Variants in CMC4 observed in about 807,000 individuals in gnomAD.
The protein encoded by CMC4 is C-X9-C motif containing 4.
Under a neutral mutation model 5.1 loss-of-function variants are expected in CMC4, and 4 were observed. The observed-to-expected ratio is 0.78, with a 90% CI of 0.38 to 1.78. CMC4 has a LOEUF of 1.78. Ranked by LOEUF, CMC4 falls within the 40% of genes most tolerant of loss-of-function variation. The pLI, the probability that CMC4 is intolerant of heterozygous loss-of-function variation, is 0.04. For synonymous variants in CMC4, 23 were observed against 18.9 expected (o/e 1.22, Z -0.57); for missense variants, 52 against 51.3 (o/e 1.01, Z -0.04).
chrX:155,062,472 T>C (rs191929764), intron 2 of CMC4, among the ~76,000 whole-genome samples: 1 of 112,213 alleles, frequency 8.9e-6, no homozygotes, highest in East Asian at 2.8e-4. Context: ...TTTTAAAGGG[T>C]TGTAAACACA....
chrX:155,062,936 C>G (rs958059407), intron 2 of CMC4, among the ~76,000 whole-genome samples: 5 of 111,708 alleles, frequency 4.5e-5, no homozygotes, highest in African/African-American at 1.6e-4. Flanking sequence ...CGGTGCTTGT[C>G]ATCTTTTAGT....
At chrX:155,069,055 A>AATT (rs1557292218) in intron 1 of CMC4, among the ~76,000 whole-genome samples, 4 of 112,730 alleles carry the variant, frequency 3.5e-5, no homozygotes, top group African/African-American at 1.3e-4. Flanking sequence ...CAAGACAGAC[A>AATT]ATTTCTTAGT....
chrX:155,069,815 C>A (rs1279409778), intron 1 of CMC4, among the ~76,000 whole-genome samples: 1 of 112,075 alleles, frequency 8.9e-6, no homozygotes, highest in African/African-American at 3.2e-5. Context: ...TTGACTACCG[C>A]CGATAACAAA....
chrX:155,063,716 G>T (rs1557291787), intron 2 of CMC4, among the ~76,000 whole-genome samples: 1 of 111,775 alleles, frequency 8.9e-6, no homozygotes, highest in African/African-American at 3.3e-5. Context: ...GCCCTAGGAA[G>T]TCTGAATTGT....
At chrX:155,067,738 G>C (rs1377950016) in intron 1 of CMC4, among the ~76,000 whole-genome samples, 1 of 112,473 alleles carries the variant, frequency 8.9e-6, no homozygotes, top group Non-Finnish European at 1.9e-5. Context: ...CTCAATAGCA[G>C]GAATGATACA....
At chrX:155,067,976 T>C (rs1557292144) in intron 1 of CMC4, among the ~76,000 whole-genome samples, 2 of 112,447 alleles carry the variant, frequency 1.8e-5, no homozygotes, top group African/African-American at 6.5e-5. Context: ...GTTTTGCCTC[T>C]CTTCCTTCCC....
Position 155,068,706 on chromosome X carries a change from G to C in CMC4, c.-11+1988C>G, listed in dbSNP as rs782272967. On this transcript the variant is annotated intron_variant, in intron 1 of 2. Coordinates refer to ENST00000369484, the MANE Select transcript of CMC4 (RefSeq NM_001018024.3). ...GAGAGTCATAAAGCACATTAGTGTA[G>C]TAACTGTTCTGGCAAGTTATGCAGT... Among the ~76,000 whole-genome samples, 6 of 112,599 alleles carry C rather than the reference G, an allele frequency of 5.3e-5. No homozygotes were observed. In the Admixed American group the frequency reaches 5.6e-4, roughly 11 times the overall value.
Position 155,070,950 on chromosome X carries a change from G to GT in CMC4, c.-268dup, listed in dbSNP as rs2073971776. 8.9e-6 allele frequency: 1 copy of GT among 112,951 alleles called. No individual in the cohort carries two copies. The highest frequency in any genetic ancestry group is 1.9e-5 in the Non-Finnish European group (1 of 53,257). The allele number at this position is 112,951 out of a possible 1,213,427, so 9.3% of individuals were successfully genotyped here. A position where few individuals can be genotyped will look rare whatever the true frequency, so the allele number is the denominator to read the frequency against. On this transcript the variant is annotated 5_prime_UTR_variant, in exon 1 of 3. Transcript: ENST00000369484. ...AACAAAATAAAATAAAACCTTAACTGTTTTGGGACTGACTTTCAAAAGAGC... is the reference window on the plus strand; with the variant it reads ...AACAAAATAAAATAAAACCTTAACTGTTTTTGGGACTGACTTTCAAAAGAGC...
chrX:155,069,983 CAA>C (rs781810296), intron 1 of CMC4, among the ~76,000 whole-genome samples: 7 of 112,172 alleles, frequency 6.2e-5, no homozygotes, highest in Non-Finnish European at 9.4e-5. Flanking sequence ...AAAATTGAAA[CAA>C]GAGAAAATTT....
intron 1 of CMC4, among the ~76,000 whole-genome samples, chrX:155,066,970 C>T (rs1407293658): frequency 8.9e-6 from 1 of 112,069 alleles, no homozygotes; most frequent in East Asian, 2.8e-4. Context: ...CAGGACCTCA[C>T]AATAACTTGA....
At chrX:155,063,943 T>A in intron 2 of CMC4, 23 bp downstream of exon 2, 2 of 1,155,466 alleles carry the variant, frequency 1.7e-6, no homozygotes, top group Non-Finnish European at 2.3e-6. Context: ...AAAATATTTT[T>A]AAAGCATTTT....
At chrX:155,066,625 C>T (rs5945137) in intron 1 of CMC4, among the ~76,000 whole-genome samples, 2 of 111,572 alleles carry the variant, frequency 1.8e-5, no homozygotes, top group Non-Finnish European at 3.8e-5. Context: ...TTACAAATAG[C>T]GGATGGGCAT....
intron 1 of CMC4, chrX:155,065,477 A>C (rs372534312): frequency 4.7e-5 from 56 of 1,202,034 alleles, no homozygotes; most frequent in Non-Finnish European, 6.1e-5. Context: ...GAGAAATAGA[A>C]ATACATACCA....
intron 1 of CMC4, among the ~76,000 whole-genome samples, chrX:155,069,971 A>C (rs1334620695): frequency 1.8e-5 from 2 of 112,709 alleles, no homozygotes; most frequent in Non-Finnish European, 3.7e-5. Context: ...AACATATGAT[A>C]TAAAATTGAA....
At chrX:155,070,429 T>C (rs781845235) in intron 1 of CMC4, among the ~76,000 whole-genome samples, 1 of 112,041 alleles carries the variant, frequency 8.9e-6, no homozygotes, top group African/African-American at 3.2e-5. Context: ...CTTGGCACGT[T>C]TGACATACCT....
chrX:155,071,056 G>C lies in CMC4; in HGVS notation c.-373C>G, dbSNP rs1024781267. On this transcript the variant is annotated 5_prime_UTR_variant, in exon 1 of 3. Coordinates refer to ENST00000369484, the MANE Select transcript of CMC4 (RefSeq NM_001018024.3). ...CCCCAAGCGTGTAGGCCGCGCACGGGTCTCCTTAGCGGGCGGGCAAAATGG... is the reference window on the plus strand; with the variant it reads ...CCCCAAGCGTGTAGGCCGCGCACGGCTCTCCTTAGCGGGCGGGCAAAATGG... 4 of 112,560 alleles carry C rather than the reference G, an allele frequency of 3.6e-5. No individual in the cohort carries two copies. The highest frequency in any genetic ancestry group is 5.7e-5 in the Non-Finnish European group (3 of 53,006). The allele number at this position is 112,560 out of a possible 1,213,427, so 9.3% of individuals were successfully genotyped here. A position where few individuals can be genotyped will look rare whatever the true frequency, so the allele number is the denominator to read the frequency against.
Position 155,070,374 on chromosome X carries a change from C to T in CMC4, c.-11+320G>A, listed in dbSNP as rs1454031990. Among the ~76,000 whole-genome samples the T allele has an allele frequency of 6.2e-5, 7 of 112,126 alleles. No homozygotes were observed. The Admixed American group carries it at 6.6e-4, about 11-fold the overall frequency. On this transcript the variant is annotated intron_variant, in intron 1 of 2. Transcript: ENST00000369484. ...GATTTAGAATCGCTTTCAAAATCCA[C>T]GTGTGATTCCTAGACTTGTGAGTTG...
Position 155,062,009 on chromosome X carries a change from A to G in CMC4, c.59-18T>C. 8.3e-7 allele frequency: 1 copy of G among 1,206,554 alleles called. No individual in the cohort carries two copies. The highest frequency in any genetic ancestry group is 1.1e-6 in the Non-Finnish European group (1 of 892,702). ...GCTGTTGGCTGAAAAACATACAGGC[A>G]GACTCTAGTCATGATCTCATAGGAC... On this transcript the variant is annotated intron_variant, in intron 2 of 2. Transcript: ENST00000369484.
At chrX:155,063,386 A>ACTATTT (rs2073935798) in intron 2 of CMC4, among the ~76,000 whole-genome samples, 1 of 112,455 alleles carries the variant, frequency 8.9e-6, no homozygotes, top group Non-Finnish European at 1.9e-5. Flanking sequence ...ATAGCCTTAT[A>ACTATTT]GCTTTTTCTA....
Sources: allele counts gnomAD v4.1 joint callset (sites outside exome capture counted in the v4.1 genomes callset), GRCh38; gene constraint gnomAD v4.1.1; transcripts MANE v1.5; gene names NCBI Gene and HGNC (gene_info 2026-07-23, HGNC 2026-07-21).